KCNIP4: variants seen among roughly 807,000 people sequenced by gnomAD.
KCNIP4 encodes potassium voltage-gated channel interacting protein 4, also known as Kv channel-interacting protein 4.
KCNIP4 carries 12 observed loss-of-function variants against 34.0 expected under a neutral mutation model. The observed-to-expected ratio is 0.35, with a 90% CI of 0.23 to 0.57. The LOEUF (loss-of-function observed/expected upper bound fraction) is 0.57, where lower values mean the gene tolerates loss of function less well. Ranked by LOEUF, KCNIP4 falls within the 20% of genes least tolerant of loss-of-function variation. The pLI is 0.83. For missense variants in KCNIP4, 238 were observed against 311.7 expected, an observed-to-expected ratio of 0.76 and a Z score of 1.78; for synonymous variants, 124 against 102.2, an observed-to-expected ratio of 1.21 and a Z score of -1.29.
At chr4:21,635,479 G>A (rs1746075740) in intron 1 of KCNIP4, among the ~76,000 whole-genome samples, 1 of 152,030 alleles carries the variant, frequency 6.6e-6, no homozygotes. Flanking sequence ...GTGGGCGAAG[G>A]ACATGAACAG....
intron 1 of KCNIP4, among the ~76,000 whole-genome samples, chr4:21,400,572 TCTCTTCG>T (rs1723463613): frequency 2.1e-5 from 2 of 94,866 alleles, no homozygotes; most frequent in Non-Finnish European, 2.5e-5. Context: ...TCTCTTCTCT[TCTCTTCG>T]TTCTTTCTTT....
At chr4:21,219,721 A>G (rs1757852186) in intron 1 of KCNIP4, among the ~76,000 whole-genome samples, 1 of 152,200 alleles carries the variant, frequency 6.6e-6, no homozygotes, top group African/African-American at 2.4e-5. Flanking sequence ...GAAGGTTTCA[A>G]GTGGGAAGGT....
intron 1 of KCNIP4, among the ~76,000 whole-genome samples, chr4:21,689,840 G>A (rs1312081631): frequency 2.6e-5 from 4 of 151,896 alleles, no homozygotes. Context: ...CCTGAAGTTG[G>A]AAAATAATGA....
At chr4:21,357,576 C>G (rs1422483070) in intron 1 of KCNIP4, among the ~76,000 whole-genome samples, 1 of 152,134 alleles carries the variant, frequency 6.6e-6, no homozygotes, top group Non-Finnish European at 1.5e-5. Context: ...AAATGCTCAT[C>G]ATCACTGGTC....
rs200212171 is a variant in KCNIP4 at position 21,713,826 on chromosome 4, T to TATGGG, written c.61+234744_61+234745insCCCAT. 6.7e-3 allele frequency among the ~76,000 whole-genome samples: 1,017 copies of TATGGG among 152,322 alleles called. 9 individuals carry two copies. The highest frequency in any genetic ancestry group is 8.4e-3 in the Non-Finnish European group (573 of 68,024). ...TTTCATCACATAAACACTGGCTTTC[T>TATGGG]AGTCAATGGGAAACAAATTACCAAA... On this transcript the variant is annotated intron_variant, in intron 1 of 8. Coordinates refer to ENST00000382152, the MANE Select transcript of KCNIP4 (RefSeq NM_025221.6).
chr4:21,541,119 C>A (rs1030483333), intron 1 of KCNIP4, among the ~76,000 whole-genome samples: 2 of 145,812 alleles, frequency 1.4e-5, no homozygotes, highest in African/African-American at 2.5e-5. Flanking sequence ...TGCAGCTGGC[C>A]GAGACTGTGC....
At chr4:20,935,562 A>G (rs1225430747) in intron 1 of KCNIP4, among the ~76,000 whole-genome samples, 1 of 152,054 alleles carries the variant, frequency 6.6e-6, no homozygotes, top group Non-Finnish European at 1.5e-5. Flanking sequence ...TTCCACCCCA[A>G]TTCTCTACAC....
chr4:20,768,203 G>T (rs1269299981), intron 3 of KCNIP4, among the ~76,000 whole-genome samples: 1 of 152,114 alleles, frequency 6.6e-6, no homozygotes, highest in East Asian at 1.9e-4. Context: ...TATTTATGCT[G>T]AATGAATAAA....
intron 1 of KCNIP4, chr4:21,303,768 CAG>C (rs1354913558): frequency 1.3e-6 from 2 of 1,528,244 alleles, no homozygotes; most frequent in Admixed American, 3.4e-5. Context: ...CATTGCAAAA[CAG>C]AGAATTTTTA....
At chr4:21,191,193 CA>C (rs1755622123) in intron 1 of KCNIP4, among the ~76,000 whole-genome samples, 1 of 152,154 alleles carries the variant, frequency 6.6e-6, no homozygotes. Context: ...CACAAAACAA[CA>C]CATTACTTAT....
intron 1 of KCNIP4, among the ~76,000 whole-genome samples, chr4:21,375,568 TTTC>T (rs1308848456): frequency 3.9e-5 from 2 of 51,596 alleles, no homozygotes; most frequent in African/African-American, 1.4e-4. Context: ...TGTGAATTTT[TTTC>T]TTTTTTTTTT....
chr4:21,455,830 T>C (rs1187430844), intron 1 of KCNIP4, among the ~76,000 whole-genome samples: 4 of 112,780 alleles, frequency 3.5e-5, no homozygotes, highest in Admixed American at 1.7e-4. Flanking sequence ...TATATATATA[T>C]ATATATATAT....
At chr4:21,106,838 C>A (rs969723277) in intron 1 of KCNIP4, among the ~76,000 whole-genome samples, 2 of 151,452 alleles carry the variant, frequency 1.3e-5, no homozygotes, top group African/African-American at 4.9e-5. Context: ...TTTATTTCTG[C>A]CTTCATTTCG....
At chr4:21,228,397 T>C (rs915580432) in intron 1 of KCNIP4, among the ~76,000 whole-genome samples, 18 of 152,192 alleles carry the variant, frequency 1.2e-4, no homozygotes, top group African/African-American at 2.4e-5. Flanking sequence ...ATGCTTCCTG[T>C]TAAACCTGCA....
At chr4:21,017,231 C>T (rs1404119856) in intron 1 of KCNIP4, among the ~76,000 whole-genome samples, 1 of 152,138 alleles carries the variant, frequency 6.6e-6, no homozygotes, top group East Asian at 1.9e-4. Context: ...GCAGGATATG[C>T]AGGTTTGTTA....
At chr4:21,294,509 T>A (rs1239002990) in intron 1 of KCNIP4, among the ~76,000 whole-genome samples, 2 of 152,190 alleles carry the variant, frequency 1.3e-5, no homozygotes, top group Non-Finnish European at 2.9e-5. Flanking sequence ...ATGAAAAGCA[T>A]TCACAATAGA....
intron 1 of KCNIP4, among the ~76,000 whole-genome samples, chr4:20,950,984 T>TG (rs1161592649): frequency 4.6e-5 from 7 of 152,266 alleles, no homozygotes; most frequent in African/African-American, 1.4e-4. Flanking sequence ...TAGCCCCCAG[T>TG]GTGGCTGTAT....
At chr4:21,116,870 A>G (rs1749718380) in intron 1 of KCNIP4, among the ~76,000 whole-genome samples, 1 of 152,186 alleles carries the variant, frequency 6.6e-6, no homozygotes. Context: ...GAAAAATATA[A>G]TTCTATCCAG....
intron 1 of KCNIP4, among the ~76,000 whole-genome samples, chr4:21,054,065 G>A (rs1019195858): frequency 6.6e-6 from 1 of 152,088 alleles, no homozygotes; most frequent in African/African-American, 2.4e-5. Context: ...CTGACAAAAT[G>A]ATTCTACATA....
Sources: gnomAD v4.1 joint callset for allele counts (sites outside exome capture counted in the v4.1 genomes callset) on GRCh38, gnomAD v4.1.1 for gene constraint, MANE v1.5 for transcripts, NCBI Gene and HGNC (gene_info 2026-07-23, HGNC 2026-07-21) for gene names.